The following ASTN2 variants were observed in gnomAD, a reference collection of about 807,000 sequenced individuals.
The protein encoded by ASTN2 is astrotactin-2.
A neutral mutation model predicts 139.8 loss-of-function variants in ASTN2; 54 were observed. The observed-to-expected ratio is 0.39, with a 90% CI of 0.31 to 0.48. The LOEUF (loss-of-function observed/expected upper bound fraction) is 0.48. Ranked by LOEUF, ASTN2 falls within the 20% of genes least tolerant of loss-of-function variation. The pLI, the probability that ASTN2 is intolerant of heterozygous loss-of-function variation, is 0.95. For synonymous variants in ASTN2, 756 were observed against 719.5 expected, an observed-to-expected ratio of 1.05 and a Z score of -0.81; for missense variants, 1,565 against 1,725.1, an observed-to-expected ratio of 0.91 and a Z score of 1.64.
At chr9:117,142,891 CT>C (rs759996759) in intron 3 of ASTN2, among the ~76,000 whole-genome samples, 38 of 152,264 alleles carry the variant, frequency 2.5e-4, no homozygotes, top group Admixed American at 1.1e-3. Flanking sequence ...TGGGAAATTT[CT>C]TCTTCAGTTT....
intron 10 of ASTN2, among the ~76,000 whole-genome samples, chr9:116,928,651 A>C (rs111733353): frequency 5.3e-4 from 80 of 152,300 alleles, no homozygotes; most frequent in African/African-American, 1.8e-3. Context: ...AAATAAAAGA[A>C]AACTGTATTA....
intron 19 of ASTN2, among the ~76,000 whole-genome samples, chr9:116,512,201 G>A (rs569426758): frequency 2.0e-5 from 3 of 152,260 alleles, no homozygotes; most frequent in East Asian, 3.9e-4. Flanking sequence ...GGTATGTTAT[G>A]TCTTTGTTCT....
At chr9:116,574,412 C>G (rs535797906) in intron 19 of ASTN2, among the ~76,000 whole-genome samples, 4 of 152,308 alleles carry the variant, frequency 2.6e-5, no homozygotes, top group Non-Finnish European at 2.9e-5. Flanking sequence ...GGCCCCAGAC[C>G]TGCTCATAAC....
intron 10 of ASTN2, among the ~76,000 whole-genome samples, chr9:116,973,319 A>ATTC (rs1266077776): frequency 6.6e-6 from 1 of 152,188 alleles, no homozygotes; most frequent in Admixed American, 6.5e-5. Flanking sequence ...TATTATTATT[A>ATTC]TTATTATTAC....
At chr9:116,832,905 C>G (rs932940833) in intron 11 of ASTN2, among the ~76,000 whole-genome samples, 2 of 149,726 alleles carry the variant, frequency 1.3e-5, no homozygotes, top group Non-Finnish European at 3.0e-5. Flanking sequence ...AGTATTCTCT[C>G]TTCTTTAATT....
intron 5 of ASTN2, among the ~76,000 whole-genome samples, chr9:117,077,518 C>A (rs531415025): frequency 4.6e-5 from 7 of 152,202 alleles, no homozygotes; most frequent in African/African-American, 1.7e-4. Context: ...GAGGCTGAGG[C>A]GGGTAAATCA....
chr9:117,033,713 C>A (rs546744257), intron 6 of ASTN2, among the ~76,000 whole-genome samples: 5 of 152,066 alleles, frequency 3.3e-5, no homozygotes, highest in Admixed American at 1.3e-4. Flanking sequence ...CATAGAAGAA[C>A]CTTAGACTGG....
At chr9:116,437,145 C>T (rs1028330495) in intron 22 of ASTN2, 7 of 345,116 alleles carry the variant, frequency 2.0e-5, no homozygotes, top group Non-Finnish European at 4.0e-5. Flanking sequence ...CAGCATGGCA[C>T]ATGTAACTAA....
chr9:117,181,093 C>T (rs753190626), intron 3 of ASTN2: 5 of 1,079,910 alleles, frequency 4.6e-6, no homozygotes, highest in Non-Finnish European at 7.1e-6. Flanking sequence ...CTTAAAGCAA[C>T]CCATACAACA....
At chr9:116,622,675 C>T (rs1856222931) in intron 17 of ASTN2, among the ~76,000 whole-genome samples, 1 of 152,200 alleles carries the variant, frequency 6.6e-6, no homozygotes, top group Admixed American at 6.5e-5. Context: ...GGATTAATCC[C>T]AAGTAGGGTT....
intron 22 of ASTN2, among the ~76,000 whole-genome samples, chr9:116,431,104 AAG>A (rs1357977214): frequency 6.6e-6 from 1 of 152,186 alleles, no homozygotes; most frequent in Non-Finnish European, 1.5e-5. Context: ...TCGCTTGTGA[AAG>A]AGTCAGGGGC....
chr9:116,846,606 A>G (rs917356220), intron 11 of ASTN2, among the ~76,000 whole-genome samples: 1 of 152,220 alleles, frequency 6.6e-6, no homozygotes, highest in African/African-American at 2.4e-5. Context: ...TATGCTGGCT[A>G]CTTTTCCCAT....
chr9:117,188,119 C>G (rs933153374), intron 3 of ASTN2, among the ~76,000 whole-genome samples: 2 of 151,174 alleles, frequency 1.3e-5, no homozygotes, highest in African/African-American at 4.9e-5. Context: ...TGTCTTCAGA[C>G]ATTGCTAAAG....
intron 1 of ASTN2, among the ~76,000 whole-genome samples, chr9:117,412,264 G>C (rs1334268553): frequency 6.6e-6 from 1 of 152,072 alleles, no homozygotes; most frequent in Admixed American, 6.5e-5. Flanking sequence ...CCAATCCCCC[G>C]CATGCATCCA....
At chr9:116,461,169 C>T (rs1848474499) in intron 20 of ASTN2, among the ~76,000 whole-genome samples, 1 of 151,434 alleles carries the variant, frequency 6.6e-6, no homozygotes, top group African/African-American at 2.4e-5. Flanking sequence ...TACAATTTAC[C>T]CAGCTTTATT....
chr9:116,914,799 G>A (rs537030679), intron 10 of ASTN2, among the ~76,000 whole-genome samples: 1 of 152,044 alleles, frequency 6.6e-6, no homozygotes, highest in African/African-American at 2.4e-5. Flanking sequence ...TTTAATGTTC[G>A]CTGGCTAATT....
intron 1 of ASTN2, among the ~76,000 whole-genome samples, chr9:117,412,008 C>A: frequency 2.8e-5 from 1 of 35,162 alleles, no homozygotes; most frequent in Non-Finnish European, 7.5e-5. Context: ...CCTCACCCCT[C>A]CCCCCCCCAA....
At chr9:116,797,101 T>C (rs1461066599) in intron 13 of ASTN2, among the ~76,000 whole-genome samples, 1 of 152,106 alleles carries the variant, frequency 6.6e-6, no homozygotes, top group Non-Finnish European at 1.5e-5. Context: ...GTGTTAAATG[T>C]TCTTAGCATA....
chr9:117,196,807 A>C (rs1677209058), intron 3 of ASTN2, among the ~76,000 whole-genome samples: 1 of 152,202 alleles, frequency 6.6e-6, no homozygotes, highest in Non-Finnish European at 1.5e-5. Context: ...TAACAACGAT[A>C]TAGATAAAGA....
Sources: allele counts gnomAD v4.1 joint callset (sites outside exome capture counted in the v4.1 genomes callset), GRCh38; gene constraint gnomAD v4.1.1; transcripts MANE v1.5; gene names NCBI Gene and HGNC (gene_info 2026-07-23, HGNC 2026-07-21).